The following GABRR1 variants were observed in gnomAD, a reference collection of about 807,000 sequenced individuals.
The protein encoded by GABRR1 is gamma-aminobutyric acid type A receptor subunit rho1.
In GABRR1, 59 loss-of-function variants were observed where a neutral mutation model predicts 55.5. The ratio of observed to expected loss-of-function variants is 1.06; its 90% CI spans 0.86 to 1.32. The LOEUF is 1.32. Ranked by LOEUF, GABRR1 falls within the 40% of genes most tolerant of loss-of-function variation. GABRR1 has a pLI of 0.00. For synonymous variants in GABRR1, 213 were observed against 226.0 expected, an observed-to-expected ratio of 0.94 and a Z score of 0.51; for missense variants, 602 against 619.1, an observed-to-expected ratio of 0.97 and a Z score of 0.29.
chr6:89,228,687 A>G (rs1183170970), intron 1 of GABRR1, among the ~76,000 whole-genome samples: 1 of 132,612 alleles, frequency 7.5e-6, no homozygotes, highest in Non-Finnish European at 1.6e-5. Context: ...ACTTCCAAGT[A>G]TGTGGTCAAT....
At chr6:89,228,838 A>T (rs995181128) in intron 1 of GABRR1, among the ~76,000 whole-genome samples, 1 of 151,960 alleles carries the variant, frequency 6.6e-6, no homozygotes, top group Non-Finnish European at 1.5e-5. Flanking sequence ...TTCTGTCTCA[A>T]TCTGTCTAAT....
At chr6:89,187,908 G>A (rs893261084) in intron 6 of GABRR1, among the ~76,000 whole-genome samples, 3 of 152,138 alleles carry the variant, frequency 2.0e-5, no homozygotes, top group African/African-American at 7.2e-5. Flanking sequence ...TTTAGCAATT[G>A]TGAATAGAAC....
intron 5 of GABRR1, among the ~76,000 whole-genome samples, chr6:89,197,467 C>A (rs1772333788): frequency 6.6e-6 from 1 of 152,198 alleles, no homozygotes; most frequent in Non-Finnish European, 1.5e-5. Flanking sequence ...CAGGCCAGCG[C>A]TTCATGAGCA....
chr6:89,185,228 C>A (rs1771864261), intron 7 of GABRR1, 82 bp downstream of exon 7: 2 of 1,570,624 alleles, frequency 1.3e-6, no homozygotes, highest in Non-Finnish European at 1.7e-6. Flanking sequence ...ACGACCAATT[C>A]AAACCTTTCC....
At chr6:89,192,998 G>A (rs1772149842) in intron 5 of GABRR1, among the ~76,000 whole-genome samples, 1 of 152,178 alleles carries the variant, frequency 6.6e-6, no homozygotes, top group South Asian at 2.1e-4. Context: ...GTATGCTGGT[G>A]CCTAGGAAAC....
intron 7 of GABRR1, among the ~76,000 whole-genome samples, chr6:89,184,261 A>AT (rs1334885801): frequency 3.3e-5 from 5 of 149,478 alleles, no homozygotes; most frequent in South Asian, 2.1e-4. Context: ...AAAAAAAAAA[A>AT]AAAAAATTCC....
At chr6:89,184,940 C>A (rs1473237241) in intron 7 of GABRR1, among the ~76,000 whole-genome samples, 4 of 143,982 alleles carry the variant, frequency 2.8e-5, no homozygotes, top group Admixed American at 7.3e-5. Context: ...GGCTGGAGTG[C>A]AGTGGTGTGA....
At chr6:89,182,136 G>T in intron 7 of GABRR1, 79 bp from the exon 8 acceptor site, 1 of 1,395,948 alleles carries the variant, frequency 7.2e-7, no homozygotes, top group Non-Finnish European at 1.0e-6. Flanking sequence ...ATTGTTAAGT[G>T]CCTTAGACAC....
At chr6:89,201,355 T>C in intron 2 of GABRR1, 90 bp from the exon 3 acceptor site, 1 of 798,620 alleles carries the variant, frequency 1.3e-6, no homozygotes, top group South Asian at 1.5e-5. Flanking sequence ...TTGATAGGTG[T>C]GATGGGGTGT....
At chr6:89,181,794 T>C in intron 8 of GABRR1, 111 bp downstream of exon 8, 1 of 1,110,368 alleles carries the variant, frequency 9.0e-7, no homozygotes, top group Non-Finnish European at 1.3e-6. Flanking sequence ...TTCCAAGTCA[T>C]AACGCCAAAA....
At chr6:89,181,041 A>C (rs1471792980) in intron 8 of GABRR1, among the ~76,000 whole-genome samples, 1 of 152,206 alleles carries the variant, frequency 6.6e-6, no homozygotes, top group East Asian at 1.9e-4. Flanking sequence ...CAATTTCACT[A>C]AGGATGACAA....
intron 1 of GABRR1, among the ~76,000 whole-genome samples, chr6:89,207,676 A>T (rs1424667081): frequency 6.6e-6 from 1 of 152,222 alleles, no homozygotes. Flanking sequence ...AGCCCTGATT[A>T]CACATTGGAA....
At chr6:89,188,271 AC>A (rs1345113827) in intron 6 of GABRR1, among the ~76,000 whole-genome samples, 1 of 151,988 alleles carries the variant, frequency 6.6e-6, no homozygotes, top group African/African-American at 2.4e-5. Context: ...TGATCCTCTT[AC>A]CCCGGCCACC....
At chr6:89,205,300 A>G (rs569763881) in intron 1 of GABRR1, among the ~76,000 whole-genome samples, 2 of 152,334 alleles carry the variant, frequency 1.3e-5, no homozygotes, top group African/African-American at 4.8e-5. Flanking sequence ...ACTGCCAGGA[A>G]ATTGGCTTAG....
chr6:89,209,228 C>T (rs936138463), intron 1 of GABRR1, among the ~76,000 whole-genome samples: 1 of 151,896 alleles, frequency 6.6e-6, no homozygotes, highest in African/African-American at 2.4e-5. Context: ...CTGGGAATAC[C>T]ATATGCCTCC....
At chr6:89,218,566 T>C (rs1347521593), upstream of GABRR1, among the ~76,000 whole-genome samples, 2 of 152,238 alleles carry the variant, frequency 1.3e-5, no homozygotes, top group South Asian at 4.1e-4. Context: ...ACCCAGTCTC[T>C]CTACATTTCT....
At chr6:89,214,027 A>T (rs557693013) in intron 1 of GABRR1, among the ~76,000 whole-genome samples, 1 of 151,836 alleles carries the variant, frequency 6.6e-6, no homozygotes, top group South Asian at 2.1e-4. Flanking sequence ...TATATATAAG[A>T]TCATGTCATC....
chr6:89,214,901 C>A (rs533671006), intron 1 of GABRR1, among the ~76,000 whole-genome samples: 3 of 152,190 alleles, frequency 2.0e-5, no homozygotes, highest in African/African-American at 7.2e-5. Context: ...TGGTAGTGCA[C>A]CTGTAGTCCC....
chr6:89,207,042 A>T (rs1321522762), intron 1 of GABRR1, among the ~76,000 whole-genome samples: 1 of 152,166 alleles, frequency 6.6e-6, no homozygotes, highest in Non-Finnish European at 1.5e-5. Context: ...AGGGATCCAT[A>T]AGAAATGAGT....
Sources: gnomAD v4.1 joint callset for allele counts (sites outside exome capture counted in the v4.1 genomes callset) on GRCh38, gnomAD v4.1.1 for gene constraint, MANE v1.5 for transcripts, NCBI Gene and HGNC (gene_info 2026-07-23, HGNC 2026-07-21) for gene names.